The following ARHGAP42 variants were observed in gnomAD, a reference collection of about 807,000 sequenced individuals.
The protein encoded by ARHGAP42 is Rho GTPase activating protein 42, also known as rho GTPase-activating protein 42.
Under a neutral mutation model 125.0 loss-of-function variants are expected in ARHGAP42, and 63 were observed. That is an observed-to-expected ratio of 0.50 (90% CI 0.41 to 0.62). ARHGAP42 has a LOEUF of 0.62. ARHGAP42 is among the 20% of genes least tolerant of loss of function. The probability of loss-of-function intolerance (pLI) is 0.00; values close to 1 mark genes in which losing one functional copy is unlikely to be tolerated. For synonymous variants in ARHGAP42, 339 were observed against 351.0 expected, an observed-to-expected ratio of 0.97 and a Z score of 0.38; for missense variants, 766 against 1,024.2, an observed-to-expected ratio of 0.75 and a Z score of 3.44.
intron 4 of ARHGAP42, among the ~76,000 whole-genome samples, chr11:100,912,488 A>G (rs1866950118): frequency 6.6e-6 from 1 of 152,190 alleles, no homozygotes; most frequent in Non-Finnish European, 1.5e-5. Flanking sequence ...CAGGTGATCC[A>G]GAGGTTGCAG....
intron 3 of ARHGAP42, among the ~76,000 whole-genome samples, chr11:100,826,629 G>A (rs1171841123): frequency 6.6e-6 from 1 of 152,136 alleles, no homozygotes; most frequent in Admixed American, 6.6e-5. Context: ...AATAGTTGAA[G>A]TTTTACTTGC....
intron 1 of ARHGAP42, among the ~76,000 whole-genome samples, chr11:100,739,764 G>A (rs148191631): frequency 6.6e-6 from 1 of 152,050 alleles, no homozygotes; most frequent in South Asian, 2.1e-4. Flanking sequence ...AGTAGGGTGA[G>A]CATAACTTCT....
chr11:100,777,342 A>C (rs655922), intron 2 of ARHGAP42, among the ~76,000 whole-genome samples: 62,071 of 152,080 alleles, frequency 0.41, 13,203 homozygotes, highest in African/African-American at 0.49. Flanking sequence ...GGTGACTCAC[A>C]TTGATCTGTA....
chr11:100,951,710 G>A (rs12420698), intron 12 of ARHGAP42, among the ~76,000 whole-genome samples: 7,545 of 152,224 alleles, frequency 0.05, 328 homozygotes, highest in East Asian at 0.25. Flanking sequence ...TCATTCTTCT[G>A]GAAATAGGTA....
intron 3 of ARHGAP42, among the ~76,000 whole-genome samples, chr11:100,815,272 T>C (rs534202284): frequency 6.6e-6 from 1 of 152,232 alleles, no homozygotes; most frequent in Non-Finnish European, 1.5e-5. Context: ...TGCACTGTTA[T>C]ACATCTACTC....
At chr11:100,796,026 G>T (rs1224387401) in intron 3 of ARHGAP42, among the ~76,000 whole-genome samples, 1 of 152,168 alleles carries the variant, frequency 6.6e-6, no homozygotes, top group East Asian at 1.9e-4. Context: ...ACATTTTGCA[G>T]ATAATGTGTG....
intron 12 of ARHGAP42, among the ~76,000 whole-genome samples, chr11:100,959,678 G>A (rs895353766): frequency 9.2e-5 from 14 of 152,036 alleles, no homozygotes; most frequent in African/African-American, 3.4e-4. Context: ...AAGGATCTTA[G>A]CAGGTTGATA....
At chr11:100,945,595 A>T (rs745515332) in intron 10 of ARHGAP42, among the ~76,000 whole-genome samples, 16 of 152,134 alleles carry the variant, frequency 1.1e-4, no homozygotes, top group Non-Finnish European at 1.6e-4. Context: ...GCAGGCATGA[A>T]TATATTATTC....
chr11:100,956,746 A>C (rs193009808), intron 12 of ARHGAP42, among the ~76,000 whole-genome samples: 1 of 152,162 alleles, frequency 6.6e-6, no homozygotes, highest in African/African-American at 2.4e-5. Flanking sequence ...TTAATATCCA[A>C]CTTACTATTT....
intron 3 of ARHGAP42, among the ~76,000 whole-genome samples, chr11:100,824,146 C>T (rs1021611907): frequency 4.6e-5 from 7 of 152,126 alleles, no homozygotes; most frequent in Admixed American, 1.3e-4. Context: ...CCCCACCCAC[C>T]GGCAGCATGT....
intron 1 of ARHGAP42, among the ~76,000 whole-genome samples, chr11:100,726,627 G>A (rs1237342066): frequency 6.6e-6 from 1 of 152,196 alleles, no homozygotes; most frequent in Non-Finnish European, 1.5e-5. Flanking sequence ...GTTTGCAAAA[G>A]AAAGTCATGT....
intron 1 of ARHGAP42, among the ~76,000 whole-genome samples, chr11:100,767,295 G>A (rs954441169): frequency 6.6e-6 from 1 of 152,090 alleles, no homozygotes; most frequent in East Asian, 1.9e-4. Context: ...CTTGACAGAC[G>A]GGATACTGAG....
chr11:100,907,823 T>C (rs925098772), intron 4 of ARHGAP42, among the ~76,000 whole-genome samples: 31 of 152,310 alleles, frequency 2.0e-4, no homozygotes, highest in African/African-American at 6.7e-4. Flanking sequence ...AATCCTCTTA[T>C]GTATTTTCAG....
At chr11:100,985,670 C>A (rs1442217444) in intron 22 of ARHGAP42, among the ~76,000 whole-genome samples, 1 of 152,186 alleles carries the variant, frequency 6.6e-6, no homozygotes, top group East Asian at 1.9e-4. Context: ...GGACGTTGTG[C>A]TGTGTGGGCT....
At chr11:100,725,009 TAA>T (rs3063393) in intron 1 of ARHGAP42, among the ~76,000 whole-genome samples, 19,377 of 152,014 alleles carry the variant, frequency 0.13, 1,647 homozygotes, top group Non-Finnish European at 0.19. Flanking sequence ...AAAATTTTTA[TAA>T]GTTTTATTTT....
chr11:100,847,677 C>T (rs1490238579), intron 3 of ARHGAP42, among the ~76,000 whole-genome samples: 1 of 152,012 alleles, frequency 6.6e-6, no homozygotes, highest in Non-Finnish European at 1.5e-5. Flanking sequence ...GCGGGGAGAC[C>T]CTGGACTGGG....
At chr11:100,875,381 G>A (rs117701937) in intron 4 of ARHGAP42, among the ~76,000 whole-genome samples, 3,563 of 152,222 alleles carry the variant, frequency 0.023, 56 homozygotes, top group Middle Eastern at 0.051. Context: ...GCTGGGGCTA[G>A]GGGTGGGGAT....
chr11:100,845,476 A>G (rs1865044283), intron 3 of ARHGAP42, among the ~76,000 whole-genome samples: 1 of 152,056 alleles, frequency 6.6e-6, no homozygotes, highest in South Asian at 2.1e-4. Context: ...ACCAAATGCC[A>G]CCTGTTTTCC....
At chr11:100,738,011 G>C (rs915509446) in intron 1 of ARHGAP42, among the ~76,000 whole-genome samples, 1 of 152,140 alleles carries the variant, frequency 6.6e-6, no homozygotes, top group African/African-American at 2.4e-5. Context: ...TTTGCACATA[G>C]TAGGCAGTTG....
Sources: gnomAD v4.1 joint callset for allele counts (sites outside exome capture counted in the v4.1 genomes callset) on GRCh38, gnomAD v4.1.1 for gene constraint, MANE v1.5 for transcripts, NCBI Gene and HGNC (gene_info 2026-07-23, HGNC 2026-07-21) for gene names.